Variants in PCDH9 observed in about 807,000 individuals in gnomAD.
PCDH9 encodes the protein protocadherin 9.
PCDH9 carries 24 observed loss-of-function variants against 70.6 expected under a neutral mutation model. The observed-to-expected ratio is 0.34, with a 90% CI of 0.25 to 0.48. PCDH9 has a LOEUF of 0.48. Ranked by LOEUF, PCDH9 falls within the 20% of genes least tolerant of loss-of-function variation. PCDH9 has a pLI of 0.99. For missense variants in PCDH9, 1,281 were observed against 1,503.6 expected, an observed-to-expected ratio of 0.85 and a Z score of 2.45; for synonymous variants, 562 against 558.5, an observed-to-expected ratio of 1.01 and a Z score of -0.09.
chr13:67,101,216 T>C (rs572974964), intron 2 of PCDH9, among the ~76,000 whole-genome samples: 10 of 152,338 alleles, frequency 6.6e-5, no homozygotes, highest in African/African-American at 2.4e-4. Context: ...GAAAAGACTT[T>C]AGATGCAATC....
chr13:67,210,472 A>G (rs752877162), intron 2 of PCDH9: 18 of 152,050 alleles, frequency 1.2e-4, no homozygotes, highest in African/African-American at 3.1e-4. Context: ...TCTTGAGCCA[A>G]TGTTAACACT....
At chr13:66,942,162 A>C (rs984726564) in intron 2 of PCDH9, among the ~76,000 whole-genome samples, 5 of 151,982 alleles carry the variant, frequency 3.3e-5, no homozygotes, top group African/African-American at 7.2e-5. Flanking sequence ...GAATGCCACA[A>C]AAGCAGTACT....
At position 66,346,336 on chromosome 13, in the gene PCDH9, C is replaced by T. The variant is rs540408393; in HGVS notation, c.3341-41308G>A. On this transcript the variant is annotated intron_variant, in intron 4 of 4. Transcript: ENST00000377865. ...CATGACGAGCACACAACCACGGAAA[C>T]GTTGATTCTTGACTAGGAATTTGTG... 2.4e-4 allele frequency among the ~76,000 whole-genome samples: 37 copies of T among 152,314 alleles called. No homozygotes were observed. The South Asian group carries it at 4.6e-3, about 19-fold the overall frequency.
At chr13:67,076,375 G>A (rs1293927942) in intron 2 of PCDH9, among the ~76,000 whole-genome samples, 1 of 152,134 alleles carries the variant, frequency 6.6e-6, no homozygotes, top group African/African-American at 2.4e-5. Context: ...CTATAAACAT[G>A]CGTAATTAAT....
chr13:66,792,563 G>A (rs918584849), intron 3 of PCDH9, among the ~76,000 whole-genome samples: 2 of 152,076 alleles, frequency 1.3e-5, no homozygotes, highest in African/African-American at 2.4e-5. Context: ...CAACTACTCC[G>A]GAAGCTGACG....
At chr13:66,669,273 A>G (rs2078140013) in intron 3 of PCDH9, among the ~76,000 whole-genome samples, 1 of 152,200 alleles carries the variant, frequency 6.6e-6, no homozygotes, top group Admixed American at 6.5e-5. Flanking sequence ...TGTTCTTTAA[A>G]AAATGTCTCA....
chr13:67,174,277 T>C (rs907860701), intron 2 of PCDH9, among the ~76,000 whole-genome samples: 9 of 151,382 alleles, frequency 5.9e-5, no homozygotes, highest in African/African-American at 1.2e-4. Context: ...AGATGATAGA[T>C]AGCTAGATAG....
chr13:66,989,064 A>G (rs991224127), intron 2 of PCDH9, among the ~76,000 whole-genome samples: 6 of 151,920 alleles, frequency 3.9e-5, no homozygotes, highest in African/African-American at 1.2e-4. Flanking sequence ...GGGACTACTA[A>G]CAGAATAGGT....
At chr13:66,621,942 G>A (rs981796579) in intron 4 of PCDH9, among the ~76,000 whole-genome samples, 1 of 152,238 alleles carries the variant, frequency 6.6e-6, no homozygotes, top group South Asian at 2.1e-4. Context: ...GCAGGGAGGT[G>A]TGGAGGAAGA....
At chr13:66,912,241 T>C (rs2082479730) in intron 2 of PCDH9, among the ~76,000 whole-genome samples, 1 of 152,160 alleles carries the variant, frequency 6.6e-6, no homozygotes, top group South Asian at 2.1e-4. Flanking sequence ...ATTTCTACTG[T>C]TGCGTTTCAT....
intron 2 of PCDH9, among the ~76,000 whole-genome samples, chr13:66,975,391 C>A (rs1448801334): frequency 6.6e-6 from 1 of 151,998 alleles, no homozygotes; most frequent in Non-Finnish European, 1.5e-5. Flanking sequence ...CTGTGTTAGA[C>A]ATTGTCATAA....
chr13:66,834,666 T>C (rs1246646633), intron 3 of PCDH9, among the ~76,000 whole-genome samples: 1 of 152,192 alleles, frequency 6.6e-6, no homozygotes, highest in African/African-American at 2.4e-5. Flanking sequence ...TCATTGCACA[T>C]TGGGGAATCT....
chr13:67,163,939 T>C (rs1361980920), intron 2 of PCDH9, among the ~76,000 whole-genome samples: 2 of 152,318 alleles, frequency 1.3e-5, no homozygotes, highest in South Asian at 4.1e-4. Flanking sequence ...AATGGGGGTC[T>C]CTTAAGTTTA....
chr13:66,830,614 T>A (rs1470283983), intron 3 of PCDH9, among the ~76,000 whole-genome samples: 3 of 152,198 alleles, frequency 2.0e-5, no homozygotes, highest in African/African-American at 7.2e-5. Flanking sequence ...TTAAGGCCTG[T>A]TACCTAATTG....
chr13:67,005,538 C>T (rs1028636115), intron 2 of PCDH9, among the ~76,000 whole-genome samples: 1 of 152,158 alleles, frequency 6.6e-6, no homozygotes, highest in Non-Finnish European at 1.5e-5. Context: ...TCACTTTCCC[C>T]AAATATTCCG....
At chr13:66,797,898 G>T (rs2080269130) in intron 3 of PCDH9, among the ~76,000 whole-genome samples, 1 of 151,618 alleles carries the variant, frequency 6.6e-6, no homozygotes, top group African/African-American at 2.4e-5. Context: ...CTAAAACATG[G>T]TGTCCTCAGG....
rs2078369205 is a variant in PCDH9 at position 66,684,307 on chromosome 13, ATC to A, written c.3139-52898_3139-52897del. Among the ~76,000 whole-genome samples, 4 of 152,138 alleles carry A rather than the reference ATC, an allele frequency of 2.6e-5. No homozygotes were observed. In the South Asian group the frequency reaches 8.3e-4, roughly 32 times the overall value. On this transcript the variant is annotated intron_variant, in intron 3 of 4. Coordinates refer to ENST00000377865, the MANE Select transcript of PCDH9 (RefSeq NM_203487.3). The stretch of plus-strand genomic sequence containing the variant: ...GATTTAACCTACTCTGATCGCTATA[ATC>A]TTACTTATTAATACTTTACAGACAT...
intron 2 of PCDH9, among the ~76,000 whole-genome samples, chr13:67,040,842 G>C (rs1594429079): frequency 8.0e-6 from 1 of 124,562 alleles, no homozygotes; most frequent in Admixed American, 7.6e-5. Context: ...ATTGCAGTTT[G>C]ATTAAGTATT....
intron 4 of PCDH9, among the ~76,000 whole-genome samples, chr13:66,463,470 A>G (rs1958461702): frequency 6.6e-6 from 1 of 151,888 alleles, no homozygotes; most frequent in Admixed American, 6.6e-5. Context: ...AGAGAGAGAA[A>G]AAAAAGAGAG....
Sources: allele counts gnomAD v4.1 joint callset (sites outside exome capture counted in the v4.1 genomes callset), GRCh38; gene constraint gnomAD v4.1.1; transcripts MANE v1.5; gene names NCBI Gene and HGNC (gene_info 2026-07-23, HGNC 2026-07-21).